Variants in TTC39B observed in about 807,000 individuals in gnomAD.
TTC39B encodes tetratricopeptide repeat protein 39B.
A neutral mutation model predicts 96.6 loss-of-function variants in TTC39B; 92 were observed. The observed-to-expected ratio is 0.95, with a 90% confidence interval of 0.80 to 1.13. The LOEUF is 1.13. TTC39B is among the 50% of genes most tolerant of loss of function. The probability of loss-of-function intolerance (pLI) is 0.00; values close to 1 mark genes in which losing one functional copy is unlikely to be tolerated. For missense variants in TTC39B, 955 were observed against 809.3 expected, an observed-to-expected ratio of 1.18 and a Z score of -2.18; for synonymous variants, 367 against 299.4, an observed-to-expected ratio of 1.23 and a Z score of -2.33.
intron 1 of TTC39B, among the ~76,000 whole-genome samples, chr9:15,280,122 T>G (rs1329368275): frequency 6.6e-6 from 1 of 152,162 alleles, no homozygotes. Context: ...GATCTTGAAC[T>G]CCTGGCCTCA....
chr9:15,198,318 G>A (rs1466686274), intron 8 of TTC39B, among the ~76,000 whole-genome samples: 2 of 151,994 alleles, frequency 1.3e-5, no homozygotes, highest in Admixed American at 6.6e-5. Context: ...TTAGCTGGCC[G>A]TGGTGGTATG....
chr9:15,187,851 T>G (rs548981017), intron 14 of TTC39B, 120 bp downstream of exon 14: 2 of 1,060,682 alleles, frequency 1.9e-6, no homozygotes, highest in African/African-American at 1.6e-5. Context: ...CCTCCTTTTG[T>G]GGATCTCTAA....
chr9:15,250,045 A>C, intron 2 of TTC39B: 1 of 1,284,880 alleles, frequency 7.8e-7, no homozygotes, highest in Admixed American at 2.4e-5. Context: ...TTTAGAGCCA[A>C]CAAAAATCCT....
rs748534348 is a variant in TTC39B at position 15,178,409 on chromosome 9, CA to C, written c.1724-596del. Among the ~76,000 whole-genome samples, 4 of 151,622 alleles carry C rather than the reference CA, an allele frequency of 2.6e-5. No homozygotes were observed. The East Asian group carries it at 5.8e-4, about 22-fold the overall frequency. On this transcript the variant is annotated intron_variant, in intron 17 of 19. Coordinates refer to ENST00000512701, the Ensembl canonical transcript of TTC39B. The stretch of plus-strand genomic sequence containing the variant: ...GCAATACAATGAGACCCCGTCTCTA[CA>C]AAAAAAAATTTTTTTAATTACTGGG...
At position 15,192,586 on chromosome 9, in the gene TTC39B, T is replaced by G; in HGVS notation, c.930+4A>C. ...TTCTGGTTTCTATACAGTGATTTCC[T>G]TACCAAATTAAAGGCCCCACTGCCA... On this transcript the variant is annotated splice_donor_region_variant and intron_variant, in intron 9 of 19. Transcript: ENST00000512701. The G allele has an allele frequency of 6.2e-7, 1 of 1,611,104 alleles. No homozygotes were observed.
chr9:15,255,015 T>C (rs1001816396), intron 2 of TTC39B, among the ~76,000 whole-genome samples: 1 of 152,168 alleles, frequency 6.6e-6, no homozygotes, highest in Admixed American at 6.5e-5. Flanking sequence ...TTGAAAAGGT[T>C]AATTCATCAG....
Position 15,307,095 on chromosome 9 carries a change from C to A in TTC39B, c.229G>T (p.Glu77Ter). The A allele has an allele frequency of 6.2e-7, 1 of 1,610,480 alleles. No homozygotes were observed. The highest frequency in any genetic ancestry group is 8.5e-7 in the Non-Finnish European group (1 of 1,178,470). Residue 77 changes from glutamate (E) to a stop codon, truncating the protein, a stop_gained, in exon 1 of 20, where the codon GAA becomes TAA. Coordinates refer to ENST00000512701, the Ensembl canonical transcript of TTC39B. LOFTEE classifies it high-confidence loss of function. ...CCATCGGATCGTACCTCGTCCGCTT[C>A]CAGCTCCGCTCGGCTGCCTAAGAGC...
At chr9:15,285,728 G>C (rs532098674) in intron 1 of TTC39B, among the ~76,000 whole-genome samples, 1 of 151,974 alleles carries the variant, frequency 6.6e-6, no homozygotes, top group South Asian at 2.1e-4. Flanking sequence ...GGTGGCGGGC[G>C]CCTGTAGTCC....
At chr9:15,166,980 TTTTATATATATATATATATATATATA>T (rs1817529212) in exon 20 of TTC39B, 1 of 40,444 alleles carries the variant, frequency 2.5e-5, no homozygotes, top group Admixed American at 3.3e-4. Flanking sequence ...CAAACCTTTA[TTTTATATATATATATATATATATATA>T]TATATATATA....
chr9:15,217,279 G>A (rs1395564628), intron 3 of TTC39B, among the ~76,000 whole-genome samples: 2 of 151,988 alleles, frequency 1.3e-5, no homozygotes, highest in African/African-American at 2.4e-5. Flanking sequence ...GCCAATTCTC[G>A]CTAAGGTTAC....
intron 11 of TTC39B, 89 bp from the exon 12 acceptor site, chr9:15,189,881 G>A: frequency 1.2e-6 from 1 of 806,574 alleles, no homozygotes; most frequent in Non-Finnish European, 2.1e-6. Context: ...ATACAGTAAA[G>A]ACCTACTCAT....
intron 1 of TTC39B, among the ~76,000 whole-genome samples, chr9:15,279,892 C>CT (rs1164750793): frequency 0.019 from 1,933 of 101,778 alleles, 56 homozygotes; most frequent in African/African-American, 0.038. Flanking sequence ...TTTTTCTTTT[C>CT]TTTTTTTTTT....
chr9:15,205,411 T>C (rs1819788947), intron 6 of TTC39B, among the ~76,000 whole-genome samples: 1 of 148,640 alleles, frequency 6.7e-6, no homozygotes, highest in African/African-American at 2.4e-5. Context: ...TACACACACA[T>C]ACAACCCACT....
At chr9:15,245,585 GGAAT>G (rs1822239241) in intron 2 of TTC39B, among the ~76,000 whole-genome samples, 1 of 152,150 alleles carries the variant, frequency 6.6e-6, no homozygotes, top group Non-Finnish European at 1.5e-5. Flanking sequence ...CTGGATTGCT[GGAAT>G]GAAGGGCTCA....
At chr9:15,166,982 T>TTTTTTTTTTATATATATA (rs1387664027) in exon 20 of TTC39B, 1 of 20,276 alleles carries the variant, frequency 4.9e-5, no homozygotes, top group Non-Finnish European at 8.8e-5. Flanking sequence ...AACCTTTATT[T>TTTTTTTTTTATATATATA]TATATATATA....
At chr9:15,236,941 C>A (rs1821809441) in intron 2 of TTC39B, among the ~76,000 whole-genome samples, 1 of 151,962 alleles carries the variant, frequency 6.6e-6, no homozygotes, top group African/African-American at 2.4e-5. Flanking sequence ...AACAAACCAA[C>A]CCAAAGCTAG....
chr9:15,252,197 A>C (rs1025413993), intron 2 of TTC39B, among the ~76,000 whole-genome samples: 5 of 152,190 alleles, frequency 3.3e-5, no homozygotes, highest in African/African-American at 9.7e-5. Flanking sequence ...CATCAATATA[A>C]ATATCTCTCA....
chr9:15,275,462 G>T (rs191478713), intron 1 of TTC39B, among the ~76,000 whole-genome samples: 3 of 152,324 alleles, frequency 2.0e-5, no homozygotes, highest in Admixed American at 1.3e-4. Flanking sequence ...AGAAACTGGG[G>T]ATATGGAGTA....
At position 15,306,154 on chromosome 9, in the gene TTC39B, G is replaced by A. The variant is rs536941563; in HGVS notation, c.240+930C>T. ...GAAACCAAAGCCTTCTAAAGGCAGC[G>A]ACTCGCACAATTCAAGTCAGGTAAG... On this transcript the variant is annotated intron_variant, in intron 1 of 19. Coordinates refer to ENST00000512701, the Ensembl canonical transcript of TTC39B. The surrounding 1 kb of genome is among the most constrained non-coding windows in gnomAD (Gnocchi z 5.1). Among the ~76,000 whole-genome samples the A allele has an allele frequency of 6.6e-6, 1 of 152,344 alleles. No individual in the cohort carries two copies. The highest frequency in any genetic ancestry group is 1.5e-5 in the Non-Finnish European group (1 of 68,034).
Sources: gnomAD v4.1 joint callset for allele counts (sites outside exome capture counted in the v4.1 genomes callset) on GRCh38, gnomAD v4.1.1 for gene constraint, Gnocchi (gnomAD v3.1) non-coding constraint, MANE v1.5 for transcripts, NCBI Gene and HGNC (gene_info 2026-07-23, HGNC 2026-07-21) for gene names.